The following FGF12 variants were observed in gnomAD, a reference collection of about 807,000 sequenced individuals.
FGF12 encodes the protein fibroblast growth factor 12B.
A neutral mutation model predicts 23.6 loss-of-function variants in FGF12; 14 were observed. The ratio of observed to expected loss-of-function variants is 0.59; its 90% confidence interval spans 0.39 to 0.93. FGF12 has a LOEUF of 0.93. Ranked by LOEUF, FGF12 falls within the 40% of genes least tolerant of loss-of-function variation. FGF12 has a pLI of 0.00. For synonymous variants in FGF12, 62 were observed against 77.3 expected (o/e 0.80, Z 1.04); for missense variants, 175 against 217.8 (o/e 0.80, Z 1.24).
At chr3:192,532,942 T>A (rs1197973248) in intron 2 of FGF12, among the ~76,000 whole-genome samples, 2 of 152,132 alleles carry the variant, frequency 1.3e-5, no homozygotes, top group Admixed American at 6.5e-5. Context: ...TCTAGAATTG[T>A]TTTCTCTAAC....
In FGF12 at chr3:192,173,691, T is replaced by C. The variant is rs190754967; in HGVS notation, c.229-3035A>G. 5.1e-4 allele frequency among the ~76,000 whole-genome samples: 77 copies of C among 152,334 alleles called. 1 individual carries two copies. Among genetic ancestry groups the C allele is most frequent in the Admixed American group, 4.9e-3 (75 of 15,294 alleles). On this transcript the variant is annotated intron_variant, in intron 4 of 5. Coordinates refer to ENST00000445105, the MANE Select transcript of FGF12 (RefSeq NM_004113.6). ...CAAACAGTATTAACCCTAGATGCTA[T>C]GCTAAGGAACTCTGGAAAGTTCAAG...
At chr3:192,242,309 T>C (rs572428172) in intron 4 of FGF12, among the ~76,000 whole-genome samples, 5 of 152,178 alleles carry the variant, frequency 3.3e-5, no homozygotes, top group African/African-American at 1.2e-4. Flanking sequence ...TTGTGGGAGC[T>C]GTCCTGTTCA....
chr3:192,714,255 A>C (rs978630531), intron 2 of FGF12, among the ~76,000 whole-genome samples: 4 of 152,288 alleles, frequency 2.6e-5, no homozygotes, highest in African/African-American at 9.6e-5. Context: ...AATCAAGACC[A>C]GAATTGGATT....
chr3:192,221,234 G>T (rs938486903), intron 4 of FGF12, among the ~76,000 whole-genome samples: 4 of 152,166 alleles, frequency 2.6e-5, no homozygotes, highest in African/African-American at 9.7e-5. Context: ...ATTCATACAT[G>T]ATTGGTATTT....
chr3:192,653,843 T>C (rs1716301311), intron 2 of FGF12, among the ~76,000 whole-genome samples: 2 of 151,936 alleles, frequency 1.3e-5, no homozygotes, highest in African/African-American at 4.8e-5. Flanking sequence ...GCCTCCTGAG[T>C]AGCTGGGATT....
chr3:192,605,064 G>A (rs181970799), intron 2 of FGF12, among the ~76,000 whole-genome samples: 1 of 152,196 alleles, frequency 6.6e-6, no homozygotes, highest in East Asian at 1.9e-4. Flanking sequence ...AGATTTCAGT[G>A]TAATACCTCA....
chr3:192,175,422 G>A (rs9813777), intron 4 of FGF12, among the ~76,000 whole-genome samples: 23,307 of 151,502 alleles, frequency 0.15, 2,731 homozygotes, highest in African/African-American at 0.31. Context: ...AAACACCCCC[G>A]TGTTCTATTC....
chr3:192,520,819 G>A (rs773093238), intron 2 of FGF12, among the ~76,000 whole-genome samples: 1 of 151,796 alleles, frequency 6.6e-6, no homozygotes, highest in Admixed American at 6.6e-5. Context: ...GGTTTCTTTA[G>A]TTTATCTTGC....
rs962365964 is a variant in FGF12 at position 192,704,081 on chromosome 3, C to T, written c.13+23100G>A. 5.3e-5 allele frequency among the ~76,000 whole-genome samples: 8 copies of T among 152,164 alleles called. No individual in the cohort carries two copies. In the South Asian group the frequency reaches 6.2e-4, roughly 12 times the overall value. On this transcript the variant is annotated intron_variant, in intron 2 of 5. Transcript: ENST00000445105. ...ATGTTGATACTTTGGCCTACTCTTA[C>T]GAATCATAAATATTCTTAATATCAT...
chr3:192,196,471 T>C (rs1356004930), intron 4 of FGF12, among the ~76,000 whole-genome samples: 1 of 152,136 alleles, frequency 6.6e-6, no homozygotes, highest in Non-Finnish European at 1.5e-5. Context: ...GAGATGCCAC[T>C]TTTCATTTTT....
intron 4 of FGF12, among the ~76,000 whole-genome samples, chr3:192,224,890 T>C (rs1718655123): frequency 6.6e-6 from 1 of 152,088 alleles, no homozygotes; most frequent in African/African-American, 2.4e-5. Flanking sequence ...AAAAGTCCAG[T>C]ATGTAAATGA....
chr3:192,416,768 A>G (rs1721371091), intron 2 of FGF12, among the ~76,000 whole-genome samples: 1 of 152,102 alleles, frequency 6.6e-6, no homozygotes, highest in African/African-American at 2.4e-5. Context: ...TGTGCCTAGT[A>G]TTAGCCACTA....
intron 2 of FGF12, among the ~76,000 whole-genome samples, chr3:192,525,717 T>C (rs1724925744): frequency 6.6e-6 from 1 of 152,230 alleles, no homozygotes; most frequent in Non-Finnish European, 1.5e-5. Context: ...TTTGCTTGTC[T>C]TCTTTTATCT....
At chr3:192,638,701 A>G (rs987425098) in intron 2 of FGF12, among the ~76,000 whole-genome samples, 1 of 152,216 alleles carries the variant, frequency 6.6e-6, no homozygotes, top group South Asian at 2.1e-4. Flanking sequence ...ACATGCCCAC[A>G]AGGTAGGTAT....
In FGF12 at chr3:192,336,012, A is replaced by G. The variant is rs1018513551; in HGVS notation, c.125-548T>C. ...ACAAAACTTTTTTCTTGATATCTCA[A>G]TTTTTTACATGTAAATAAACAGAGA... On this transcript the variant is annotated intron_variant, in intron 3 of 5. Transcript: ENST00000445105. The surrounding 1 kb of genome is among the most constrained non-coding windows in gnomAD (Gnocchi z 4.3). Among the ~76,000 whole-genome samples, 6 of 151,844 alleles carry G rather than the reference A, an allele frequency of 4.0e-5. No individual in the cohort carries two copies. Among genetic ancestry groups the G allele is most frequent in the Non-Finnish European group, 8.8e-5 (6 of 67,968 alleles).
At chr3:192,676,010 A>G (rs1055222840) in intron 2 of FGF12, among the ~76,000 whole-genome samples, 3 of 152,224 alleles carry the variant, frequency 2.0e-5, no homozygotes, top group Admixed American at 1.3e-4. Context: ...AACTGGAGAG[A>G]CACGCTTTTG....
At chr3:192,227,895 C>CA (rs1185363058) in intron 4 of FGF12, among the ~76,000 whole-genome samples, 3 of 151,896 alleles carry the variant, frequency 2.0e-5, no homozygotes, top group African/African-American at 7.2e-5. Flanking sequence ...TTTTTCAAAA[C>CA]AAAAAAATGT....
At chr3:192,627,852 A>ATGTGTGTGTG (rs138709721) in intron 2 of FGF12, among the ~76,000 whole-genome samples, 4,716 of 147,332 alleles carry the variant, frequency 0.032, 91 homozygotes, top group Non-Finnish European at 0.041. Flanking sequence ...GTGTGTGTGC[A>ATGTGTGTGTG]TGTGTGTGTG....
intron 2 of FGF12, among the ~76,000 whole-genome samples, chr3:192,417,282 G>A (rs924121102): frequency 9.2e-5 from 14 of 151,440 alleles, no homozygotes; most frequent in Non-Finnish European, 1.8e-4. Context: ...GTAACCAAAA[G>A]CGTTTATTAT....
Sources: allele counts gnomAD v4.1 joint callset (sites outside exome capture counted in the v4.1 genomes callset), GRCh38; gene constraint gnomAD v4.1.1; non-coding constraint Gnocchi (gnomAD v3.1); transcripts MANE v1.5; gene names NCBI Gene and HGNC (gene_info 2026-07-23, HGNC 2026-07-21).